DPP6: variants seen among roughly 807,000 people sequenced by gnomAD.
The protein encoded by DPP6 is A-type potassium channel modulatory protein DPP6.
Under a neutral mutation model 122.6 loss-of-function variants are expected in DPP6, and 69 were observed. That is an observed-to-expected ratio of 0.56 (90% CI 0.46 to 0.69). The LOEUF is 0.69. Ranked by LOEUF, DPP6 falls within the 30% of genes least tolerant of loss-of-function variation. The pLI, the probability that DPP6 is intolerant of heterozygous loss-of-function variation, is 0.00. For missense variants in DPP6, 928 were observed against 1,116.9 expected (o/e 0.83, Z 2.41); for synonymous variants, 418 against 433.1 (o/e 0.97, Z 0.43).
rs1210232615 is a variant in DPP6, at chr7:154,806,964, C to T, written c.1548-30C>T. 13 of 1,610,928 alleles carry T rather than the reference C, an allele frequency of 8.1e-6. No individual in the cohort carries two copies. The Admixed American group carries it at 1.3e-4, about 17-fold the overall frequency. ...GTGGAGGGCAGCTCCTCTCCGCCCA[C>T]ATTCACACCTGCGTCCTTTGCTCTT... On this transcript the variant is annotated intron_variant, in intron 15 of 25. Transcript: ENST00000377770.
At chr7:154,129,012 TGAG>T (rs1350724563) in intron 1 of DPP6, among the ~76,000 whole-genome samples, 5 of 152,176 alleles carry the variant, frequency 3.3e-5, no homozygotes, top group Non-Finnish European at 7.3e-5. Flanking sequence ...TCTACCTTGT[TGAG>T]GACATAACAT....
intron 5 of DPP6, among the ~76,000 whole-genome samples, chr7:154,616,941 G>A (rs923308290): frequency 1.3e-5 from 2 of 152,202 alleles, no homozygotes; most frequent in African/African-American, 4.8e-5. Context: ...GCTGCAAGTT[G>A]GAGATCATGA....
At chr7:154,711,254 T>C (rs1348341942) in intron 7 of DPP6, among the ~76,000 whole-genome samples, 1 of 152,206 alleles carries the variant, frequency 6.6e-6, no homozygotes, top group Non-Finnish European at 1.5e-5. Context: ...CTTTCCATGA[T>C]AAATAGTTTT....
In DPP6 at chr7:154,245,204, C is replaced by T. The variant is rs945260706; in HGVS notation, c.243+192141C>T. On this transcript the variant is annotated intron_variant, in intron 1 of 25. Transcript: ENST00000377770. ...CTGACCTCAAGTGATCCTCCCGCCT[C>T]GGCCTCCCAAATTGCTGAGATTACA... Among the ~76,000 whole-genome samples, 12 of 151,910 alleles carry T rather than the reference C, an allele frequency of 7.9e-5. No individual in the cohort carries two copies. In the East Asian group the frequency reaches 2.1e-3, roughly 27 times the overall value.
At chr7:154,797,057 T>G (rs1417783284) in intron 12 of DPP6, among the ~76,000 whole-genome samples, 1 of 152,320 alleles carries the variant, frequency 6.6e-6, no homozygotes, top group South Asian at 2.1e-4. Context: ...ACCAAACATA[T>G]AAGCATATAA....
At chr7:153,959,235 C>T (rs1170938342) in intron 1 of DPP6, among the ~76,000 whole-genome samples, 1 of 151,804 alleles carries the variant, frequency 6.6e-6, no homozygotes, top group African/African-American at 2.4e-5. Context: ...CAGAATTTTT[C>T]TGCAGTGCCT....
intron 1 of DPP6, among the ~76,000 whole-genome samples, chr7:154,331,027 G>C (rs1036802369): frequency 1.1e-4 from 16 of 152,180 alleles, no homozygotes; most frequent in African/African-American, 3.6e-4. Flanking sequence ...GGCACCTCAA[G>C]ATCCTCCCAG....
chr7:154,221,356 G>T (rs1371094014), intron 1 of DPP6, among the ~76,000 whole-genome samples: 2 of 152,088 alleles, frequency 1.3e-5, no homozygotes, highest in Non-Finnish European at 2.9e-5. Context: ...GGCCAGGCTG[G>T]TCTCAAACTC....
intron 1 of DPP6, among the ~76,000 whole-genome samples, chr7:153,973,791 A>C (rs4726362): frequency 0.84 from 120,856 of 144,034 alleles, 51,258 homozygotes; most frequent in Non-Finnish European, 0.9. Flanking sequence ...GACTACAGAA[A>C]CTTTAATGTA....
chr7:154,276,357 C>A (rs950246683), intron 1 of DPP6, among the ~76,000 whole-genome samples: 1 of 152,156 alleles, frequency 6.6e-6, no homozygotes, highest in African/African-American at 2.4e-5. Flanking sequence ...CATAAAATGC[C>A]TTAGAGTCAC....
chr7:154,083,878 A>C (rs1371072260), intron 1 of DPP6, among the ~76,000 whole-genome samples: 1 of 148,030 alleles, frequency 6.8e-6, no homozygotes, highest in Non-Finnish European at 1.5e-5. Context: ...TATTGAGAGG[A>C]AGTGTGGGAA....
intron 1 of DPP6, among the ~76,000 whole-genome samples, chr7:154,331,579 G>A (rs934047938): frequency 1.6e-4 from 24 of 152,172 alleles, no homozygotes; most frequent in African/African-American, 4.3e-4. Flanking sequence ...GGTTGCTGTT[G>A]GATCAAGAAG....
chr7:154,552,803 T>C (rs1586610452), intron 4 of DPP6, among the ~76,000 whole-genome samples: 1 of 152,198 alleles, frequency 6.6e-6, no homozygotes, highest in Non-Finnish European at 1.5e-5. Flanking sequence ...CATTGGAGGG[T>C]ATGATACAGG....
chr7:154,470,047 C>A (rs1490028268), intron 2 of DPP6, among the ~76,000 whole-genome samples: 1 of 152,154 alleles, frequency 6.6e-6, no homozygotes, highest in Non-Finnish European at 1.5e-5. Context: ...AGGAAGCAAA[C>A]AAATAGTATC....
intron 1 of DPP6, among the ~76,000 whole-genome samples, chr7:154,342,927 T>C (rs1810056387): frequency 6.6e-6 from 1 of 152,154 alleles, no homozygotes; most frequent in Non-Finnish European, 1.5e-5. Context: ...TAATCAAAAT[T>C]TATTTATTAA....
At chr7:153,956,024 T>C (rs983780626) in intron 1 of DPP6, among the ~76,000 whole-genome samples, 2 of 152,170 alleles carry the variant, frequency 1.3e-5, no homozygotes, top group African/African-American at 4.8e-5. Context: ...AGCAGATGGA[T>C]GTTCAGTACC....
rs543050021 is a variant in DPP6 at position 154,151,808 on chromosome 7, C to T, written c.243+98745C>T. The stretch of plus-strand genomic sequence containing the variant: ...TGCTCCCCAATAATCCCCACAGCCC[C>T]GCCTCAGCCTCTGCTTCTGGGGAAC... On this transcript the variant is annotated intron_variant, in intron 1 of 25. Coordinates refer to ENST00000377770, the MANE Select transcript of DPP6 (RefSeq NM_130797.4). 4.5e-4 allele frequency among the ~76,000 whole-genome samples: 69 copies of T among 152,094 alleles called. 1 individual carries two copies. The highest frequency in any genetic ancestry group is 1.3e-3 in the African/African-American group (55 of 41,462).
chr7:154,689,885 T>C (rs1839840664), intron 7 of DPP6, among the ~76,000 whole-genome samples: 4 of 152,244 alleles, frequency 2.6e-5, no homozygotes, highest in Admixed American at 2.6e-4. Flanking sequence ...TGACTTGTCA[T>C]GACTTAATTT....
intron 1 of DPP6, among the ~76,000 whole-genome samples, chr7:154,319,160 T>G (rs1807699443): frequency 6.6e-6 from 1 of 152,232 alleles, no homozygotes; most frequent in South Asian, 2.1e-4. Context: ...CTTACTGATT[T>G]TTTTACAACA....
Sources: allele counts gnomAD v4.1 joint callset (sites outside exome capture counted in the v4.1 genomes callset), GRCh38; gene constraint gnomAD v4.1.1; transcripts MANE v1.5; gene names NCBI Gene and HGNC (gene_info 2026-07-23, HGNC 2026-07-21).